The following ELMO1 variants were observed in gnomAD, a reference collection of about 807,000 sequenced individuals.
ELMO1 encodes the protein engulfment and cell motility protein 1.
Under a neutral mutation model 98.9 loss-of-function variants are expected in ELMO1, and 26 were observed. The observed-to-expected ratio is 0.26, with a 90% CI of 0.19 to 0.36. ELMO1 has a LOEUF of 0.36. ELMO1 is among the 10% of genes least tolerant of loss of function. The pLI is 1.00. For synonymous variants in ELMO1, 346 were observed against 346.0 expected (o/e 1.00, Z 0.00); for missense variants, 627 against 935.2 (o/e 0.67, Z 4.30).
chr7:36,865,361 C>A (rs1479798719), intron 20 of ELMO1, among the ~76,000 whole-genome samples: 1 of 152,166 alleles, frequency 6.6e-6, no homozygotes, highest in Non-Finnish European at 1.5e-5. Flanking sequence ...GTCCAGATAT[C>A]TAAGAATTTG....
intron 15 of ELMO1, among the ~76,000 whole-genome samples, chr7:37,075,536 GC>G (rs1797527772): frequency 6.6e-6 from 1 of 152,140 alleles, no homozygotes; most frequent in Non-Finnish European, 1.5e-5. Flanking sequence ...AAACACAGAA[GC>G]TGTTTTAAGG....
chr7:37,086,830 A>C (rs774021235), intron 15 of ELMO1, among the ~76,000 whole-genome samples: 2 of 130,380 alleles, frequency 1.5e-5, no homozygotes, highest in Non-Finnish European at 3.4e-5. Context: ...TCATGCCCTT[A>C]TTCTTTCAAA....
chr7:37,268,219 A>T (rs1796364430), intron 5 of ELMO1, among the ~76,000 whole-genome samples: 1 of 152,160 alleles, frequency 6.6e-6, no homozygotes, highest in African/African-American at 2.4e-5. Context: ...ACAAGACACT[A>T]CTCAGCTCTG....
At chr7:37,232,877 A>G (rs1176206556) in intron 8 of ELMO1, among the ~76,000 whole-genome samples, 1 of 152,192 alleles carries the variant, frequency 6.6e-6, no homozygotes, top group African/African-American at 2.4e-5. Context: ...GGTCTGAGCT[A>G]TGGGTGCGCA....
chr7:37,199,277 T>C (rs1792151384), intron 13 of ELMO1, among the ~76,000 whole-genome samples: 1 of 152,114 alleles, frequency 6.6e-6, no homozygotes, highest in Non-Finnish European at 1.5e-5. Flanking sequence ...GAATCATAGG[T>C]CATTTGTTTT....
At chr7:36,896,616 C>T (rs1806019505) in intron 16 of ELMO1, among the ~76,000 whole-genome samples, 1 of 152,172 alleles carries the variant, frequency 6.6e-6, no homozygotes, top group Admixed American at 6.5e-5. Flanking sequence ...TTCATGCCCC[C>T]AGCATAATGT....
At chr7:37,397,412 G>T (rs1213624937) in intron 1 of ELMO1, among the ~76,000 whole-genome samples, 1 of 152,210 alleles carries the variant, frequency 6.6e-6, no homozygotes, top group Non-Finnish European at 1.5e-5. Flanking sequence ...TAGGGTAAAG[G>T]TATGGGTCAT....
At chr7:36,861,611 G>A (rs1346496434) in intron 21 of ELMO1, 48 bp downstream of exon 21, 1 of 1,559,364 alleles carries the variant, frequency 6.4e-7, no homozygotes, top group Non-Finnish European at 8.7e-7. Flanking sequence ...TATTTTTCTT[G>A]AGAAAAGATA....
chr7:37,329,286 C>G (rs1201224059), intron 2 of ELMO1, among the ~76,000 whole-genome samples: 1 of 152,194 alleles, frequency 6.6e-6, no homozygotes, highest in African/African-American at 2.4e-5. Flanking sequence ...AATTGACAAA[C>G]AATAACTGCA....
intron 13 of ELMO1, among the ~76,000 whole-genome samples, chr7:37,147,832 GA>G (rs34146164): frequency 0.14 from 18,935 of 133,178 alleles, 1,334 homozygotes; most frequent in Middle Eastern, 0.2. Context: ...AGAAAAGTTG[GA>G]AAAAAAAAAA....
At chr7:37,116,486 A>AGTC (rs1306628458) in intron 14 of ELMO1, among the ~76,000 whole-genome samples, 1 of 152,218 alleles carries the variant, frequency 6.6e-6, no homozygotes, top group Non-Finnish European at 1.5e-5. Context: ...CTGTGAGCTA[A>AGTC]GTCTTGGCTG....
At chr7:37,020,417 T>G (rs949566462) in intron 15 of ELMO1, among the ~76,000 whole-genome samples, 2 of 152,222 alleles carry the variant, frequency 1.3e-5, no homozygotes, top group Non-Finnish European at 2.9e-5. Context: ...GTTTAGCAAA[T>G]GTTTGATGAG....
At chr7:36,997,813 G>A (rs1475466707) in intron 16 of ELMO1, 1 of 152,414 alleles carries the variant, frequency 6.6e-6, no homozygotes, top group Non-Finnish European at 1.5e-5. Context: ...TGGGAATGAG[G>A]AATGGAGAGG....
intron 16 of ELMO1, among the ~76,000 whole-genome samples, chr7:36,999,023 T>G (rs553224303): frequency 6.6e-6 from 1 of 152,080 alleles, no homozygotes; most frequent in Admixed American, 6.5e-5. Flanking sequence ...ATGCAAAGAT[T>G]AGAAATGATA....
intron 16 of ELMO1, chr7:36,998,009 T>G (rs28570502): frequency 0.058 from 8,854 of 151,838 alleles, 707 homozygotes; most frequent in African/African-American, 0.18. Context: ...CCCGGAAAAT[T>G]TGGCAGTGCA....
chr7:37,001,887 C>A (rs951615616), intron 16 of ELMO1, among the ~76,000 whole-genome samples: 2 of 152,152 alleles, frequency 1.3e-5, no homozygotes, highest in African/African-American at 4.8e-5. Context: ...CAATGAACAG[C>A]CACAGAAGTT....
In ELMO1 at chr7:37,342,722, G is replaced by T. The variant is rs377272516; in HGVS notation, c.-32C>A. ...TCCCCAAAATGTTCAAAGCCAGTGG[G>T]AATGAGGATCCTACAGCGTAAACGG... is the stretch of plus-strand genomic sequence containing the variant. On this transcript the variant is annotated 5_prime_UTR_variant, in exon 2 of 22. Coordinates refer to ENST00000310758, the MANE Select transcript of ELMO1 (RefSeq NM_014800.11). The surrounding 1 kb of genome is among the most constrained non-coding windows in gnomAD (Gnocchi z 4.3). 39 of 1,588,948 alleles carry T rather than the reference G, an allele frequency of 2.5e-5. No individual in the cohort carries two copies. Among genetic ancestry groups the T allele is most frequent in the Non-Finnish European group, 3.3e-5 (39 of 1,166,602 alleles).
At chr7:36,959,137 C>T (rs573728128) in intron 16 of ELMO1, among the ~76,000 whole-genome samples, 1 of 152,238 alleles carries the variant, frequency 6.6e-6, no homozygotes, top group South Asian at 2.1e-4. Context: ...CCAGTTAGTG[C>T]ATCCTGTCAG....
intron 13 of ELMO1, among the ~76,000 whole-genome samples, chr7:37,178,341 C>T (rs554774644): frequency 6.6e-6 from 1 of 151,650 alleles, no homozygotes; most frequent in South Asian, 2.1e-4. Flanking sequence ...ACGAGAATAG[C>T]ATGGGAGAAA....
Sources: allele counts gnomAD v4.1 joint callset (sites outside exome capture counted in the v4.1 genomes callset), GRCh38; gene constraint gnomAD v4.1.1; non-coding constraint Gnocchi (gnomAD v3.1); transcripts MANE v1.5; gene names NCBI Gene and HGNC (gene_info 2026-07-23, HGNC 2026-07-21).